The following PIK3C2A variants were observed in gnomAD, a reference collection of about 807,000 sequenced individuals.
The protein encoded by PIK3C2A is phosphatidylinositol 4-phosphate 3-kinase C2 domain-containing subunit alpha.
Under a neutral mutation model 204.5 loss-of-function variants are expected in PIK3C2A, and 97 were observed. The ratio of observed to expected loss-of-function variants is 0.47; its 90% CI spans 0.40 to 0.56. PIK3C2A has a LOEUF of 0.56. PIK3C2A is among the 20% of genes least tolerant of loss of function. PIK3C2A has a pLI of 0.00. For missense variants in PIK3C2A, 1,735 were observed against 1,969.2 expected, an observed-to-expected ratio of 0.88 and a Z score of 2.25; for synonymous variants, 653 against 664.4, an observed-to-expected ratio of 0.98 and a Z score of 0.26.
intron 14 of PIK3C2A, 93 bp from the exon 15 acceptor site, chr11:17,122,426 T>A: frequency 2.6e-6 from 2 of 765,466 alleles, no homozygotes; most frequent in Admixed American, 4.9e-5. Context: ...TTCTTAGCAA[T>A]CGGGGCATAT....
chr11:17,122,390 CT>C, intron 14 of PIK3C2A, 57 bp from the exon 15 acceptor site: 1 of 1,067,150 alleles, frequency 9.4e-7, no homozygotes, highest in Non-Finnish European at 1.4e-6. Context: ...CCACATTAAC[CT>C]CTTTGTCTTT....
chr11:17,195,940 G>A (rs1852139054), intron 1 of PIK3C2A, among the ~76,000 whole-genome samples: 1 of 151,912 alleles, frequency 6.6e-6, no homozygotes, highest in Non-Finnish European at 1.5e-5. Flanking sequence ...TTGGGAGGCT[G>A]AGGCAGGAGA....
chr11:17,119,321 A>T lies in PIK3C2A; in HGVS notation c.2847-8T>A, dbSNP rs1302634706. The T allele has an allele frequency of 1.9e-6, 3 of 1,544,268 alleles. No homozygotes were observed. The highest frequency in any genetic ancestry group is 2.7e-6 in the Non-Finnish European group (3 of 1,118,246). ...ACTTCCTGATCAGCAAATCTAGAAGATTACCATAAAACCAAGATTGGACAG... is the reference window on the plus strand; with the variant it reads ...ACTTCCTGATCAGCAAATCTAGAAGTTTACCATAAAACCAAGATTGGACAG... On this transcript the variant is annotated splice_polypyrimidine_tract_variant and splice_region_variant and intron_variant, in intron 16 of 32. Transcript: ENST00000691414.
intron 1 of PIK3C2A, among the ~76,000 whole-genome samples, chr11:17,178,739 T>C (rs1362965336): frequency 1.2e-5 from 1 of 85,774 alleles, no homozygotes; most frequent in Non-Finnish European, 2.2e-5. Flanking sequence ...TTTTTTTTTT[T>C]TGAGACGGAG....
chr11:17,097,717 C>A (rs927562873), intron 26 of PIK3C2A, among the ~76,000 whole-genome samples: 2 of 152,182 alleles, frequency 1.3e-5, no homozygotes, highest in African/African-American at 4.8e-5. Context: ...AGTTCGAGAC[C>A]AGCCTGGCCA....
In PIK3C2A at chr11:17,102,805, A is replaced by C; in HGVS notation, c.3708T>G (p.Cys1236Trp). ...EKASENFIYS[C>W]AGCCVATYVL... ...CATAGGTGGCTACACAGCATCCAGC[A>C]CAGGAATAGATAAAGTTCTCTGAAG... Residue 1236 changes from cysteine (C) to tryptophan (W), a missense_variant, in exon 24 of 33, where the codon TGT becomes TGG. This residue lies in a region of PIK3C2A where 503 missense variants were observed against 669.0 expected (regional missense o/e 0.75). Transcript: ENST00000691414. 6.2e-7 allele frequency: 1 copy of C among 1,607,738 alleles called. No homozygotes were observed. The highest frequency in any genetic ancestry group is 8.5e-7 in the Non-Finnish European group (1 of 1,176,330).
At chr11:17,174,115 C>A (rs61879721) in intron 1 of PIK3C2A, among the ~76,000 whole-genome samples, 2 of 151,862 alleles carry the variant, frequency 1.3e-5, no homozygotes, top group African/African-American at 4.8e-5. Flanking sequence ...CGTGAACCAC[C>A]TCACCTGGCT....
At chr11:17,180,735 T>A (rs547013291) in intron 1 of PIK3C2A, among the ~76,000 whole-genome samples, 29 of 152,084 alleles carry the variant, frequency 1.9e-4, no homozygotes, top group Non-Finnish European at 4.1e-4. Flanking sequence ...GGCAGGAGAA[T>A]CACTTGAACC....
At chr11:17,114,208 G>A (rs61763074) in intron 20 of PIK3C2A, among the ~76,000 whole-genome samples, 153 bp downstream of exon 20, 7,955 of 151,804 alleles carry the variant, frequency 0.052, 273 homozygotes, top group Middle Eastern at 0.078. Flanking sequence ...AAAAAAATAT[G>A]CTAAGATAAA....
intron 11 of PIK3C2A, 128 bp from the exon 12 acceptor site, chr11:17,132,166 GTTT>G: frequency 1.8e-6 from 1 of 567,612 alleles, no homozygotes; most frequent in Non-Finnish European, 3.0e-6. Context: ...TTTCATTTGA[GTTT>G]TTAGAAGTCC....
chr11:17,150,684 C>CT, intron 3 of PIK3C2A, 29 bp from the exon 4 acceptor site: 2 of 1,539,220 alleles, frequency 1.3e-6, no homozygotes, highest in South Asian at 1.2e-5. Context: ...AAATTAAATT[C>CT]TTTTTTAAAA....
At chr11:17,202,674 G>A (rs890081792) in intron 1 of PIK3C2A, among the ~76,000 whole-genome samples, 1 of 152,088 alleles carries the variant, frequency 6.6e-6, no homozygotes, top group East Asian at 1.9e-4. Context: ...ACATCTTTGG[G>A]CCTCAGCAAA....
Position 17,087,835 on chromosome 11 carries a change from A to AT in PIK3C2A, c.*1902dup, listed in dbSNP as rs1848195125. ...TTAATTAACATTAAATAGACAACAC[A>AT]TTTTAACATTTAAAAAAGACATTCA... is the stretch of plus-strand genomic sequence containing the variant. On this transcript the variant is annotated 3_prime_UTR_variant, in exon 33 of 33. Coordinates refer to ENST00000691414, the MANE Select transcript of PIK3C2A (RefSeq NM_002645.4). 6.6e-6 allele frequency: 1 copy of AT among 152,236 alleles called. No homozygotes were observed. The allele number at this position is 152,236 out of a possible 1,614,324, so 9.4% of individuals were successfully genotyped here.
intron 13 of PIK3C2A, among the ~76,000 whole-genome samples, chr11:17,128,156 T>C (rs1590939108): frequency 6.6e-6 from 1 of 152,186 alleles, no homozygotes; most frequent in East Asian, 1.9e-4. Context: ...AAGTGTTTGT[T>C]ATTATAGTAA....
intron 3 of PIK3C2A, among the ~76,000 whole-genome samples, chr11:17,153,649 CA>C (rs776828711): frequency 3.9e-4 from 59 of 152,120 alleles, no homozygotes; most frequent in Non-Finnish European, 7.4e-4. Context: ...GAAACAACAA[CA>C]AAAACCAATA....
chr11:17,140,825 G>A (rs187612268), intron 8 of PIK3C2A, among the ~76,000 whole-genome samples: 1 of 152,228 alleles, frequency 6.6e-6, no homozygotes, highest in Admixed American at 6.5e-5. Context: ...CCTCAATAAA[G>A]CTATAAAAAT....
Position 17,165,945 on chromosome 11 carries a change from C to T in PIK3C2A, c.1065+2732G>A, listed in dbSNP as rs1192068076. ...TACACAAAGTAAATAATAGAATAAA[C>T]ACCCAGGTATCCATCATCGGCTTCA... On this transcript the variant is annotated intron_variant, in intron 2 of 32. Transcript: ENST00000691414. Among the ~76,000 whole-genome samples the T allele has an allele frequency of 5.3e-5, 8 of 152,008 alleles. No individual in the cohort carries two copies. The South Asian group carries it at 1.2e-3, about 24-fold the overall frequency.
intron 2 of PIK3C2A, among the ~76,000 whole-genome samples, chr11:17,164,300 C>T (rs954778730): frequency 5.3e-5 from 8 of 150,308 alleles, no homozygotes; most frequent in Non-Finnish European, 8.8e-5. Context: ...TACAGTGAGC[C>T]GTGATCGCAC....
Position 17,137,423 on chromosome 11 carries a change from C to CTTTTTTTTTTTTTTTT in PIK3C2A, c.1705-799_1705-798insAAAAAAAAAAAAAAAA, listed in dbSNP as rs33912263. Among the ~76,000 whole-genome samples the CTTTTTTTTTTTTTTTT allele has an allele frequency of 8.0e-5, 10 of 125,050 alleles. 4 individuals are homozygous for CTTTTTTTTTTTTTTTT. The highest frequency in any genetic ancestry group is 8.1e-5 in the Non-Finnish European group (5 of 61,676). 82.0% of individuals were successfully genotyped at this position (125,050 alleles called of 152,430 possible). On this transcript the variant is annotated intron_variant, in intron 8 of 32. Transcript: ENST00000691414. ...CCTATATTACTTCATATTACTTTGCCTTTTTTTTTGAGACGGACTCTCATT... is the reference window on the plus strand; with the variant it reads ...CCTATATTACTTCATATTACTTTGCCTTTTTTTTTTTTTTTTTTTTTTTTTGAGACGGACTCTCATT...
Sources: gnomAD v4.1 joint callset for allele counts (sites outside exome capture counted in the v4.1 genomes callset) on GRCh38, gnomAD v4.1.1 for gene constraint, gnomAD v4.1.1 regional missense constraint, MANE v1.5 for transcripts, NCBI Gene and HGNC (gene_info 2026-07-23, HGNC 2026-07-21) for gene names.